Variants in ROBO2 observed in about 807,000 individuals in gnomAD.
ROBO2 encodes roundabout homolog 2.
Under a neutral mutation model 160.8 loss-of-function variants are expected in ROBO2, and 53 were observed. The ratio of observed to expected loss-of-function variants is 0.33; its 90% CI spans 0.26 to 0.41. The LOEUF is 0.41. ROBO2 is among the 10% of genes least tolerant of loss of function. The pLI is 1.00. For synonymous variants in ROBO2, 664 were observed against 611.7 expected, an observed-to-expected ratio of 1.09 and a Z score of -1.26; for missense variants, 1,577 against 1,722.4, an observed-to-expected ratio of 0.92 and a Z score of 1.49.
intron 2 of ROBO2, among the ~76,000 whole-genome samples, chr3:76,766,226 G>A (rs142873358): frequency 7.3e-5 from 11 of 151,572 alleles, no homozygotes; most frequent in East Asian, 2.0e-4. Context: ...AAAAATTTGC[G>A]TACACTCCTA....
chr3:76,379,394 A>G (rs1000306178), intron 2 of ROBO2, among the ~76,000 whole-genome samples: 1 of 152,156 alleles, frequency 6.6e-6, no homozygotes, highest in East Asian at 1.9e-4. Flanking sequence ...GCTTTGTGTT[A>G]TATAAAAGTG....
chr3:77,275,787 G>GTACA (rs2059787439), intron 2 of ROBO2, among the ~76,000 whole-genome samples: 1 of 152,098 alleles, frequency 6.6e-6, no homozygotes, highest in Non-Finnish European at 1.5e-5. Flanking sequence ...ACAGTTTGGT[G>GTACA]TACAATATGA....
At chr3:76,129,181 A>G (rs538531796) in intron 2 of ROBO2, among the ~76,000 whole-genome samples, 1 of 152,172 alleles carries the variant, frequency 6.6e-6, no homozygotes, top group East Asian at 1.9e-4. Context: ...ACTTTGATCT[A>G]TCGATGACCA....
At chr3:76,721,085 G>T (rs1229564939) in intron 2 of ROBO2, among the ~76,000 whole-genome samples, 1 of 152,028 alleles carries the variant, frequency 6.6e-6, no homozygotes, top group East Asian at 1.9e-4. Flanking sequence ...CAATTAGCTA[G>T]GAAAACTTAC....
chr3:76,911,122 A>G (rs1015339143), intron 2 of ROBO2, among the ~76,000 whole-genome samples: 16 of 152,218 alleles, frequency 1.1e-4, no homozygotes, highest in African/African-American at 3.4e-4. Context: ...TAAGAAATGA[A>G]AAAGTATGGT....
chr3:77,572,307 C>T (rs561254109), intron 13 of ROBO2, among the ~76,000 whole-genome samples: 11 of 152,040 alleles, frequency 7.2e-5, no homozygotes. Context: ...TTTTTTTGAA[C>T]ACTGACAGTT....
rs367959880 is a variant in ROBO2, at chr3:76,549,913, A to G, written c.110-548101A>G. ...GTGTAAAAGTAAACTCATTCCTCTT[A>G]CTGTAAAGATGATTTGCCCTTTCTT... is the stretch of plus-strand genomic sequence containing the variant. On this transcript the variant is annotated intron_variant, in intron 2 of 26. Transcript: ENST00000487694. 2.7e-4 allele frequency among the ~76,000 whole-genome samples: 41 copies of G among 152,228 alleles called. 2 individuals carry two copies. In the South Asian group the frequency reaches 2.7e-3, roughly 10 times the overall value.
intron 2 of ROBO2, among the ~76,000 whole-genome samples, chr3:77,402,113 G>A (rs922348586): frequency 2.4e-4 from 36 of 152,158 alleles, no homozygotes; most frequent in African/African-American, 8.4e-4. Flanking sequence ...AAAAGGATGA[G>A]TTCATGTCCT....
At position 77,552,820 on chromosome 3, in the gene ROBO2, T is replaced by C. The variant is rs564048332; in HGVS notation, c.1231+1831T>C. Among the ~76,000 whole-genome samples the C allele has an allele frequency of 2.9e-3, 439 of 152,124 alleles. 1 individual carries two copies. The highest frequency in any genetic ancestry group is 4.8e-3 in the Non-Finnish European group (327 of 67,952). ...GTCTCTAAATATGAAGTTGCCACAT[T>C]GGCTGATGCCTTAAGCTTCTACCCA... On this transcript the variant is annotated intron_variant, in intron 8 of 25. Transcript: ENST00000461745.
At chr3:76,630,808 A>T (rs577860509) in intron 2 of ROBO2, among the ~76,000 whole-genome samples, 258 of 152,320 alleles carry the variant, frequency 1.7e-3, no homozygotes, top group African/African-American at 4.5e-3. Flanking sequence ...ATCTGCAGCT[A>T]AATCTACCTC....
chr3:77,409,092 C>CATATAT (rs35014479), intron 2 of ROBO2, among the ~76,000 whole-genome samples: 1 of 128,018 alleles, frequency 7.8e-6, no homozygotes, highest in South Asian at 2.4e-4. Flanking sequence ...GAAATACATA[C>CATATAT]ATATATATAT....
intron 2 of ROBO2, among the ~76,000 whole-genome samples, chr3:77,230,174 A>T (rs1216483406): frequency 1.3e-5 from 2 of 151,936 alleles, no homozygotes; most frequent in Non-Finnish European, 2.9e-5. Context: ...TGCAGCCTGG[A>T]TCTCCTATAC....
intron 2 of ROBO2, among the ~76,000 whole-genome samples, chr3:76,190,045 G>A (rs1302176488): frequency 1.3e-5 from 2 of 151,988 alleles, no homozygotes; most frequent in Admixed American, 6.6e-5. Flanking sequence ...TTTATTATCT[G>A]TTAAAAAATG....
chr3:76,205,096 A>G (rs1702736551), intron 2 of ROBO2, among the ~76,000 whole-genome samples: 1 of 152,164 alleles, frequency 6.6e-6, no homozygotes, highest in African/African-American at 2.4e-5. Flanking sequence ...AACAGACAAA[A>G]GTCTTCTCTA....
intron 2 of ROBO2, among the ~76,000 whole-genome samples, chr3:76,829,830 G>T (rs192299310): frequency 6.6e-6 from 1 of 151,882 alleles, no homozygotes; most frequent in Admixed American, 6.6e-5. Context: ...CACCATGCCC[G>T]GCTAATTTTG....
At chr3:77,490,573 TTGAAAA>T (rs979480238) in intron 4 of ROBO2, among the ~76,000 whole-genome samples, 7 of 152,184 alleles carry the variant, frequency 4.6e-5, no homozygotes, top group Admixed American at 6.5e-5. Flanking sequence ...CTTTATCTCA[TTGAAAA>T]TTTATTTGGC....
At chr3:77,117,932 G>A (rs572544533) in intron 2 of ROBO2, among the ~76,000 whole-genome samples, 1 of 152,212 alleles carries the variant, frequency 6.6e-6, no homozygotes, top group East Asian at 1.9e-4. Context: ...AAACTGATAA[G>A]AACTTAGAAA....
intron 2 of ROBO2, among the ~76,000 whole-genome samples, chr3:76,390,904 A>G (rs1236483437): frequency 6.6e-6 from 1 of 152,196 alleles, no homozygotes; most frequent in Non-Finnish European, 1.5e-5. Context: ...AGTCTGCCAT[A>G]TAACAGAGAC....
At chr3:75,973,297 T>G (rs1206719208) in intron 2 of ROBO2, among the ~76,000 whole-genome samples, 1 of 151,708 alleles carries the variant, frequency 6.6e-6, no homozygotes, top group Non-Finnish European at 1.5e-5. Context: ...TATTGTAAGA[T>G]TCCTTCACAG....
Sources: allele counts gnomAD v4.1 joint callset (sites outside exome capture counted in the v4.1 genomes callset), GRCh38; gene constraint gnomAD v4.1.1; transcripts MANE v1.5; gene names NCBI Gene and HGNC (gene_info 2026-07-23, HGNC 2026-07-21).